Variants in DMD observed in about 807,000 individuals in gnomAD.
The protein encoded by DMD is mutant dystrophin.
In DMD, 63 loss-of-function variants were observed where a neutral mutation model predicts 330.1. The observed-to-expected ratio is 0.19, with a 90% CI of 0.16 to 0.24. The LOEUF is 0.24. Among genes scored for constraint, DMD ranks in the 10% least tolerant of loss-of-function variants. DMD has a pLI of 1.00. For synonymous variants in DMD, 1,223 were observed against 959.8 expected (o/e 1.27, Z -5.07); for missense variants, 3,344 against 2,684.1 (o/e 1.25, Z -5.43).
chrX:32,907,377 A>C (rs1022269253), intron 2 of DMD, among the ~76,000 whole-genome samples: 1 of 112,240 alleles, frequency 8.9e-6, no homozygotes, highest in African/African-American at 3.2e-5. Context: ...CATTTTTATA[A>C]TAAAGTTTTA....
At chrX:32,812,283 G>A (rs1224312005) in intron 6 of DMD, among the ~76,000 whole-genome samples, 4 of 110,384 alleles carry the variant, frequency 3.6e-5, no homozygotes, top group East Asian at 2.8e-4. Flanking sequence ...ACAAAATAAC[G>A]AAAAAAACAA....
chrX:32,551,594 C>G (rs1293076299), intron 16 of DMD, among the ~76,000 whole-genome samples: 1 of 111,640 alleles, frequency 9.0e-6, no homozygotes, highest in Non-Finnish European at 1.9e-5. Flanking sequence ...AGGGGGCCCT[C>G]TCTTACAAAT....
intron 52 of DMD, among the ~76,000 whole-genome samples, chrX:31,687,269 T>C (rs926261892): frequency 1.8e-5 from 2 of 111,083 alleles, no homozygotes; most frequent in African/African-American, 6.6e-5. Flanking sequence ...AGACCCCTTC[T>C]GTTTGAGAAA....
At chrX:32,656,565 A>C (rs1310362276) in intron 9 of DMD, among the ~76,000 whole-genome samples, 2 of 112,278 alleles carry the variant, frequency 1.8e-5, no homozygotes, top group African/African-American at 6.5e-5. Context: ...GTAAAAGCTT[A>C]TATGTGAGTT....
At chrX:32,696,983 G>A (rs907639937) in intron 9 of DMD, among the ~76,000 whole-genome samples, 1 of 111,291 alleles carries the variant, frequency 9.0e-6, no homozygotes, top group Non-Finnish European at 1.9e-5. Context: ...ACAAAAAATT[G>A]AGTCTCCAAA....
At chrX:32,918,236 A>G (rs1457304561) in intron 2 of DMD, among the ~76,000 whole-genome samples, 1 of 111,895 alleles carries the variant, frequency 8.9e-6, no homozygotes, top group Non-Finnish European at 1.9e-5. Context: ...GTATGACTGT[A>G]TATTAAATAA....
chrX:32,674,173 T>G (rs144434205), intron 9 of DMD, among the ~76,000 whole-genome samples: 2 of 111,948 alleles, frequency 1.8e-5, no homozygotes, highest in Non-Finnish European at 3.8e-5. Context: ...CAATTTGGTT[T>G]CTTTTATAAA....
chrX:31,434,094 T>C (rs932845158), intron 60 of DMD, among the ~76,000 whole-genome samples: 2 of 110,977 alleles, frequency 1.8e-5, no homozygotes, highest in Non-Finnish European at 3.8e-5. Flanking sequence ...CACATAGCTA[T>C]AGATTTTCGT....
intron 55 of DMD, among the ~76,000 whole-genome samples, chrX:31,614,201 G>T (rs770938258): frequency 2.1e-4 from 23 of 112,148 alleles, no homozygotes; most frequent in African/African-American, 6.5e-4. Flanking sequence ...TAAATATCCA[G>T]GTCTCATTCT....
chrX:33,265,280 C>T (rs900078579), intron 1 of DMD, among the ~76,000 whole-genome samples: 15 of 110,775 alleles, frequency 1.4e-4, no homozygotes, highest in African/African-American at 3.9e-4. Context: ...CCGGAGGGCT[C>T]TTGTTGGAAA....
chrX:31,722,816 C>A (rs927917210), intron 52 of DMD, among the ~76,000 whole-genome samples: 1 of 110,053 alleles, frequency 9.1e-6, no homozygotes, highest in Non-Finnish European at 1.9e-5. Flanking sequence ...GAGGCCGAGG[C>A]GGGTGGATCA....
chrX:31,800,596 C>T (rs2092018009), intron 50 of DMD, among the ~76,000 whole-genome samples: 1 of 112,517 alleles, frequency 8.9e-6, no homozygotes, highest in African/African-American at 3.2e-5. Context: ...TGGCGCTTAA[C>T]ATTTGGCTCC....
chrX:31,365,588 C>T (rs149135182), intron 60 of DMD, among the ~76,000 whole-genome samples: 8 of 112,268 alleles, frequency 7.1e-5, no homozygotes, highest in East Asian at 5.6e-4. Context: ...TGGTTGTTGA[C>T]AGGTCCTAAG....
intron 19 of DMD, among the ~76,000 whole-genome samples, chrX:32,491,812 G>A (rs2043025737): frequency 9.0e-6 from 1 of 111,380 alleles, no homozygotes; most frequent in South Asian, 3.7e-4. Flanking sequence ...AAAAACAAAA[G>A]TGCTCAAAGC....
chrX:31,329,969 CAAAAAAAAAAAAAAAAAA>C (rs142353794), intron 61 of DMD, among the ~76,000 whole-genome samples: 2 of 12,878 alleles, frequency 1.6e-4, no homozygotes, highest in African/African-American at 6.1e-4. Context: ...GATTCCATCT[CAAAAAAAAAAAAAAAAAA>C]AAAAAAAAAA....
intron 11 of DMD, among the ~76,000 whole-genome samples, chrX:32,619,462 C>T (rs1233849552): frequency 1.8e-5 from 2 of 111,296 alleles, no homozygotes; most frequent in Admixed American, 9.6e-5. Context: ...ATATTCCCAC[C>T]ATAAAAATGA....
intron 6 of DMD, among the ~76,000 whole-genome samples, chrX:32,809,960 AAAG>A: frequency 9.7e-6 from 1 of 102,884 alleles, no homozygotes; most frequent in African/African-American, 3.5e-5. Context: ...AGAAAGAAAG[AAAG>A]AAAGAAAAAC....
At chrX:32,230,318 C>T (rs947296583) in intron 43 of DMD, among the ~76,000 whole-genome samples, 3 of 112,273 alleles carry the variant, frequency 2.7e-5, no homozygotes, top group African/African-American at 9.7e-5. Flanking sequence ...GATCTCGGCT[C>T]ACTACAAGCT....
At chrX:31,220,006 G>A (rs1264728837) in intron 64 of DMD, among the ~76,000 whole-genome samples, 1 of 111,108 alleles carries the variant, frequency 9.0e-6, no homozygotes, top group Non-Finnish European at 1.9e-5. Flanking sequence ...TTACTATTGT[G>A]TTCCAACTGC....
Sources: allele counts gnomAD v4.1 joint callset (sites outside exome capture counted in the v4.1 genomes callset), GRCh38; gene constraint gnomAD v4.1.1; transcripts MANE v1.5; gene names NCBI Gene and HGNC (gene_info 2026-07-23, HGNC 2026-07-21).